Variants in ATP1A1 observed in about 807,000 individuals in gnomAD.
ATP1A1 encodes ATPase Na+/K+ transporting subunit alpha 1.
Under a neutral mutation model 114.8 loss-of-function variants are expected in ATP1A1, and 14 were observed. The observed-to-expected ratio is 0.12, with a 90% CI of 0.08 to 0.19. ATP1A1 has a LOEUF of 0.19. Among genes scored for constraint, ATP1A1 ranks in the 10% least tolerant of loss-of-function variants. The probability of loss-of-function intolerance (pLI) is 1.00; values close to 1 mark genes in which losing one functional copy is unlikely to be tolerated. For missense variants in ATP1A1, 524 were observed against 1,290.7 expected (o/e 0.41, Z 9.10); for synonymous variants, 471 against 466.3 (o/e 1.01, Z -0.13).
chr1:116,396,140 G>A (rs1312898317), intron 13 of ATP1A1, among the ~76,000 whole-genome samples: 1 of 152,082 alleles, frequency 6.6e-6, no homozygotes, highest in Non-Finnish European at 1.5e-5. Flanking sequence ...TATATTCTAA[G>A]TATAATCACT....
In ATP1A1 at chr1:116,404,484, T is replaced by A. The variant is rs762935446; in HGVS notation, c.*40T>A. ...CGCCGTGGAGCATCAGGCCACACAC[T>A]CTGCATCCGACACCCACCCCCTCTT... On this transcript the variant is annotated 3_prime_UTR_variant, in exon 23 of 23. Transcript: ENST00000295598. The surrounding 1 kb of genome is among the most constrained non-coding windows in gnomAD (Gnocchi z 4.8). The A allele has an allele frequency of 1.8e-5, 29 of 1,586,980 alleles. No individual in the cohort carries two copies. The highest frequency in any genetic ancestry group is 1.7e-4 in the Middle Eastern group (1 of 5,934).
chr1:116,399,394 A>C lies in ATP1A1; in HGVS notation c.2449-26A>C, dbSNP rs1469374061. On this transcript the variant is annotated intron_variant, in intron 17 of 22. Transcript: ENST00000295598. This position sits in a 1 kb window ranked among gnomAD's most constrained non-coding sequence, Gnocchi z 5.0. ...TTAGCTTCCTTATTTTTAGTAACTA[A>C]ATTCCTTCTCCCCACCCCTTCCCAG... The C allele has an allele frequency of 1.2e-6, 2 of 1,605,576 alleles. No homozygotes were observed. Among genetic ancestry groups the C allele is most frequent in the African/African-American group, 2.7e-5 (2 of 74,456 alleles).
intron 1 of ATP1A1, 66 bp downstream of exon 1, chr1:116,373,589 G>A (rs943056749): frequency 9.7e-6 from 13 of 1,346,624 alleles, no homozygotes; most frequent in African/African-American, 6.2e-5. Flanking sequence ...AGGAAGTCGG[G>A]AGGGCGACCG....
In ATP1A1 at chr1:116,396,691, A is replaced by G; in HGVS notation, c.1930A>G (p.Ile644Val). Residue 644 changes from isoleucine to valine, a missense_variant, in exon 14 of 23, where the codon ATT becomes GTT. Around this residue, in one of 8 missense-constraint regions of ATP1A1, gnomAD observed 47 missense variants for 79.8 expected, o/e 0.59. Coordinates refer to ENST00000295598, the MANE Select transcript of ATP1A1 (RefSeq NM_000701.8). ...AGAAGGCAATGAGACCGTGGAAGACATTGCTGCCCGCCTCAACATCCCAGT... is the reference window on the plus strand; with the variant it reads ...AGAAGGCAATGAGACCGTGGAAGACGTTGCTGCCCGCCTCAACATCCCAGT... ...ISEGNETVED[I>V]AARLNIPVSQ... is the part of the protein sequence containing the mutation. 2 of 1,601,722 alleles carry G rather than the reference A, an allele frequency of 1.2e-6. No homozygotes were observed. The highest frequency in any genetic ancestry group is 1.7e-6 in the Non-Finnish European group (2 of 1,172,822).
At position 116,388,828 on chromosome 1, in the gene ATP1A1, A is replaced by G; in HGVS notation, c.636+56A>G. Reference sequence around the variant, plus strand: ...CTAGCTCTGCTGTTCGGGCAGCTTGATTTGAGGGGTACAGTAGCCCATGAT... The same window carrying G: ...CTAGCTCTGCTGTTCGGGCAGCTTGGTTTGAGGGGTACAGTAGCCCATGAT... On this transcript the variant is annotated intron_variant, in intron 6 of 22. Coordinates refer to ENST00000295598, the MANE Select transcript of ATP1A1 (RefSeq NM_000701.8). This position sits in a 1 kb window ranked among gnomAD's most constrained non-coding sequence, Gnocchi z 5.6. The G allele has an allele frequency of 6.2e-7, 1 of 1,612,850 alleles. No homozygotes were observed. Among genetic ancestry groups the G allele is most frequent in the Non-Finnish European group, 8.5e-7 (1 of 1,179,180 alleles).
intron 1 of ATP1A1, among the ~76,000 whole-genome samples, chr1:116,378,996 T>A (rs904938562): frequency 1.3e-5 from 2 of 152,254 alleles, no homozygotes; most frequent in South Asian, 4.1e-4. Context: ...CTGATTGTTC[T>A]TAATAACTGT....
Position 116,381,840 on chromosome 1 carries a change from T to C in ATP1A1, c.13-2174T>C, listed in dbSNP as rs189057077. 4.1e-4 allele frequency among the ~76,000 whole-genome samples: 62 copies of C among 152,324 alleles called. No homozygotes were observed. Among genetic ancestry groups the C allele is most frequent in the African/African-American group, 1.4e-3 (60 of 41,560 alleles). ...TTTCATTTATTGAAATATATTTCAA[T>C]GATATTCAACTTGCTCAGAGAGAAT... On this transcript the variant is annotated intron_variant, in intron 1 of 22. Transcript: ENST00000295598. This position sits in a 1 kb window ranked among gnomAD's most constrained non-coding sequence, Gnocchi z 5.1.
rs1653057215 is a variant in ATP1A1, at chr1:116,397,793, A to C, written c.1974-95A>C. 7.0e-7 allele frequency: 1 copy of C among 1,438,524 alleles called. No individual in the cohort carries two copies. Among genetic ancestry groups the C allele is most frequent in the African/African-American group, 1.4e-5 (1 of 70,102 alleles). 89.1% of individuals were successfully genotyped at this position (1,438,524 alleles called of 1,614,324 possible). ...AAAATTCCTTCTTTGTTTTGTTTAC[A>C]AAGTGATCTGCATAAGAATATCCCC... On this transcript the variant is annotated intron_variant, in intron 14 of 22. Coordinates refer to ENST00000295598, the MANE Select transcript of ATP1A1 (RefSeq NM_000701.8). This position sits in a 1 kb window ranked among gnomAD's most constrained non-coding sequence, Gnocchi z 4.2.
chr1:116,393,740 G>T lies in ATP1A1; in HGVS notation c.1660+17G>T. 3 of 1,607,096 alleles carry T rather than the reference G, an allele frequency of 1.9e-6. No homozygotes were observed. The highest frequency in any genetic ancestry group is 2.5e-6 in the Non-Finnish European group (3 of 1,176,808). ...GAGTCCTAGGTATGCAGATAACCTG[G>T]TAACAGAGTGCCTGGGCACGTTTTT... On this transcript the variant is annotated intron_variant, in intron 12 of 22. Coordinates refer to ENST00000295598, the MANE Select transcript of ATP1A1 (RefSeq NM_000701.8). The surrounding 1 kb of genome is among the most constrained non-coding windows in gnomAD (Gnocchi z 5.0).
chr1:116,403,741 A>C, intron 21 of ATP1A1, 143 bp from the exon 22 acceptor site: 1 of 691,760 alleles, frequency 1.4e-6, no homozygotes, highest in Admixed American at 2.5e-5. Flanking sequence ...TTGTTCTGTT[A>C]ATGACTCAGT....
rs1289890661 is a variant in ATP1A1, at chr1:116,385,276, C to T, written c.183+434C>T. 2 of 161,966 alleles carry T rather than the reference C, an allele frequency of 1.2e-5. No individual in the cohort carries two copies. Among genetic ancestry groups the T allele is most frequent in the Non-Finnish European group, 2.7e-5 (2 of 74,942 alleles). 10.0% of individuals were successfully genotyped at this position (161,966 alleles called of 1,614,324 possible). ...TTGCAGTGTGTTATGGTTATACTAT[C>T]ATTTGTTTAGTTATTCTATCATTTA... On this transcript the variant is annotated intron_variant, in intron 3 of 22. Coordinates refer to ENST00000295598, the MANE Select transcript of ATP1A1 (RefSeq NM_000701.8). This position sits in a 1 kb window ranked among gnomAD's most constrained non-coding sequence, Gnocchi z 4.3.
chr1:116,386,120 C>A (rs1652061918), intron 3 of ATP1A1: 1 of 94,122 alleles, frequency 1.1e-5, no homozygotes, highest in Non-Finnish European at 1.9e-5. Context: ...GAGTGAAACT[C>A]CATCTCAAAA....
In ATP1A1 at chr1:116,390,343, G is replaced by A. The variant is rs1269859843; in HGVS notation, c.1154G>A (p.Arg385Gln). The A allele has an allele frequency of 2.7e-5, 44 of 1,614,024 alleles. No individual in the cohort carries two copies. The highest frequency in any genetic ancestry group is 4.5e-5 in the East Asian group (2 of 44,898). The part of the protein sequence containing the change: ...SDKTGTLTQN[R>Q]MTVAHMWFDN... ...AAAACTGGAACTCTGACTCAGAACC[G>A]GATGACAGTGGCCCACATGTGGTTT... Residue 385 changes from arginine to glutamine, a missense_variant, in exon 9 of 23, where the codon CGG becomes CAG. By Grantham distance (43) the Arg-to-Gln change is conservative. Transcript: ENST00000295598.
At chr1:116,376,470 T>C (rs1651378519) in intron 1 of ATP1A1, among the ~76,000 whole-genome samples, 2 of 152,210 alleles carry the variant, frequency 1.3e-5, no homozygotes, top group Non-Finnish European at 1.5e-5. Flanking sequence ...CGGGAGCTAG[T>C]GGAGCAAGTT....
At position 116,401,055 on chromosome 1, in the gene ATP1A1, A is replaced by G; in HGVS notation, c.2718+49A>G. ...CCAGTGTCAGAGCTCCTCAAGCCCC[A>G]GAAGACTGAGGCCACACTGCCACCA... On this transcript the variant is annotated intron_variant, in intron 19 of 22. Transcript: ENST00000295598. The surrounding 1 kb of genome is among the most constrained non-coding windows in gnomAD (Gnocchi z 4.7). 1.2e-6 allele frequency: 2 copies of G among 1,612,786 alleles called. No individual in the cohort carries two copies.
At chr1:116,403,787 G>T in intron 21 of ATP1A1, 97 bp from the exon 22 acceptor site, 1 of 1,072,866 alleles carries the variant, frequency 9.3e-7, no homozygotes, top group Admixed American at 2.1e-5. Context: ...CTCCTTTCAG[G>T]CTGATTATTT....
At chr1:116,382,127 T>G (rs1242872274) in intron 1 of ATP1A1, among the ~76,000 whole-genome samples, 2 of 152,140 alleles carry the variant, frequency 1.3e-5, no homozygotes, top group African/African-American at 4.8e-5. Flanking sequence ...GAGCTTAGAT[T>G]GCGCCACTGC....
chr1:116,383,300 G>T, intron 1 of ATP1A1: 2 of 1,044,204 alleles, frequency 1.9e-6, no homozygotes, highest in South Asian at 2.3e-5. Context: ...GGAGTCTTAG[G>T]CTGACTTTTT....
rs576548253 is a variant in ATP1A1 at position 116,404,661 on chromosome 1, G to A, written c.*217G>A. ...ACCATCCATCTGTGGAAATGACAGC[G>A]GGGAAGGTTTTTATGTGCCTTTTTG... On this transcript the variant is annotated 3_prime_UTR_variant, in exon 23 of 23. Transcript: ENST00000295598. The surrounding 1 kb of genome is among the most constrained non-coding windows in gnomAD (Gnocchi z 4.8). 2.0e-5 allele frequency: 26 copies of A among 1,296,748 alleles called. No individual in the cohort carries two copies. Among genetic ancestry groups the A allele is most frequent in the African/African-American group, 6.2e-5 (4 of 64,618 alleles). 80.3% of individuals were successfully genotyped at this position (1,296,748 alleles called of 1,614,324 possible). A position where few individuals can be genotyped will look rare whatever the true frequency, so the allele number is the denominator to read the frequency against.
Sources: gnomAD v4.1 joint callset for allele counts (sites outside exome capture counted in the v4.1 genomes callset) on GRCh38, gnomAD v4.1.1 for gene constraint, gnomAD v4.1.1 regional missense constraint, Gnocchi (gnomAD v3.1) non-coding constraint, MANE v1.5 for transcripts, NCBI Gene and HGNC (gene_info 2026-07-23, HGNC 2026-07-21) for gene names.